Variants in LRFN5 observed in about 807,000 individuals in gnomAD.
LRFN5 encodes leucine rich repeat and fibronectin type III domain containing 5.
LRFN5 carries 24 observed loss-of-function variants against 45.6 expected under a neutral mutation model. The ratio of observed to expected loss-of-function variants is 0.53; its 90% CI spans 0.38 to 0.74. The LOEUF (loss-of-function observed/expected upper bound fraction) is 0.74, where lower values mean the gene tolerates loss of function less well. LRFN5 is among the 30% of genes least tolerant of loss of function. LRFN5 has a pLI of 0.00. For synonymous variants in LRFN5, 340 were observed against 313.8 expected (o/e 1.08, Z -0.88); for missense variants, 776 against 861.5 (o/e 0.90, Z 1.24).
At chr14:41,646,991 G>C (rs1413520856) in intron 1 of LRFN5, among the ~76,000 whole-genome samples, 5 of 152,198 alleles carry the variant, frequency 3.3e-5, no homozygotes, top group Non-Finnish European at 5.9e-5. Context: ...TGTTTTCCAG[G>C]AGTCTGTGAG....
intron 1 of LRFN5, among the ~76,000 whole-genome samples, chr14:41,619,861 G>T (rs1888058305): frequency 6.6e-6 from 1 of 151,960 alleles, no homozygotes; most frequent in South Asian, 2.1e-4. Flanking sequence ...AAAAGCTGTT[G>T]TGAAGAGTCA....
intron 1 of LRFN5, among the ~76,000 whole-genome samples, chr14:41,756,305 G>A (rs1460374087): frequency 3.3e-5 from 5 of 152,296 alleles, no homozygotes; most frequent in African/African-American, 1.2e-4. Flanking sequence ...GAATTTGAAT[G>A]TTGGTCTGCC....
chr14:41,864,947 A>T (rs1485170518), intron 2 of LRFN5, among the ~76,000 whole-genome samples: 4 of 152,030 alleles, frequency 2.6e-5, no homozygotes, highest in Non-Finnish European at 4.4e-5. Context: ...AAGATGACTT[A>T]GTTAATTACT....
At chr14:41,788,550 T>C (rs1398433725) in intron 2 of LRFN5, among the ~76,000 whole-genome samples, 1 of 140,400 alleles carries the variant, frequency 7.1e-6, no homozygotes, top group Non-Finnish European at 1.6e-5. Flanking sequence ...TAAAAAATTA[T>C]GTTTAAAAAA....
chr14:41,885,325 TAAA>T (rs59238163), intron 2 of LRFN5, among the ~76,000 whole-genome samples: 1,803 of 134,284 alleles, frequency 0.013, 11 homozygotes, highest in Non-Finnish European at 0.019. Flanking sequence ...AAACTTTGTC[TAAA>T]AAAAAAAAAA....
rs540194926 is a variant in LRFN5, at chr14:41,881,910, A to T, written c.-20-4696A>T. Among the ~76,000 whole-genome samples, 3 of 152,310 alleles carry T rather than the reference A, an allele frequency of 2.0e-5. No individual in the cohort carries two copies. In the South Asian group the frequency reaches 6.2e-4, roughly 32 times the overall value. ...CTGCAGATACGTTAGAATTTTTATT[A>T]TAGTAATTTTATGCTCCCTGTGGTA... On this transcript the variant is annotated intron_variant, in intron 2 of 5. Transcript: ENST00000298119.
chr14:41,894,529 A>G (rs1890878284), intron 4 of LRFN5: 1 of 962,082 alleles, frequency 1.0e-6, no homozygotes, highest in Non-Finnish European at 1.2e-6. Context: ...CAAAAAGTCT[A>G]TATTTTAAGA....
At chr14:41,741,790 C>T (rs370613099) in intron 1 of LRFN5, among the ~76,000 whole-genome samples, 1 of 149,288 alleles carries the variant, frequency 6.7e-6, no homozygotes, top group South Asian at 2.1e-4. Context: ...ATTTTTAAAC[C>T]ATACATATGG....
chr14:41,872,574 C>T (rs117048587), intron 2 of LRFN5, among the ~76,000 whole-genome samples: 2,375 of 152,252 alleles, frequency 0.016, 30 homozygotes, highest in Non-Finnish European at 0.023. Context: ...TCATGACTCT[C>T]ATCTTCAAGA....
chr14:41,645,205 T>A (rs1879759187), intron 1 of LRFN5, among the ~76,000 whole-genome samples: 1 of 152,204 alleles, frequency 6.6e-6, no homozygotes, highest in Non-Finnish European at 1.5e-5. Flanking sequence ...AAGGAAATGC[T>A]CAATGACTAG....
At position 41,655,952 on chromosome 14, in the gene LRFN5, G is replaced by A. The variant is rs78656220; in HGVS notation, c.-197+47390G>A. Among the ~76,000 whole-genome samples the A allele has an allele frequency of 9.1e-3, 1,381 of 152,086 alleles. 6 individuals carry two copies. The highest frequency in any genetic ancestry group is 0.014 in the East Asian group (75 of 5,176). On this transcript the variant is annotated intron_variant, in intron 1 of 5. Coordinates refer to ENST00000298119, the MANE Select transcript of LRFN5 (RefSeq NM_152447.5). ...AAATATTAGCATTTAATATTTTTAA[G>A]TGCTTATTAGTTATTTTGCACTTTT...
intron 2 of LRFN5, among the ~76,000 whole-genome samples, chr14:41,840,411 G>C (rs1566476455): frequency 6.6e-6 from 1 of 151,938 alleles, no homozygotes; most frequent in Non-Finnish European, 1.5e-5. Flanking sequence ...ATTCCTGAAG[G>C]CTATTTAGGC....
intron 1 of LRFN5, among the ~76,000 whole-genome samples, chr14:41,620,164 A>G (rs1888071097): frequency 1.3e-5 from 2 of 152,104 alleles, no homozygotes; most frequent in Non-Finnish European, 2.9e-5. Flanking sequence ...AACCATATCA[A>G]GGCAGTAAAT....
At chr14:41,892,064 A>G in intron 4 of LRFN5, 102 bp downstream of exon 4, 1 of 1,490,984 alleles carries the variant, frequency 6.7e-7, no homozygotes, top group Non-Finnish European at 8.9e-7. Flanking sequence ...CTCGCCGAAC[A>G]CATGTGGACT....
chr14:41,834,717 A>G (rs984867741), intron 2 of LRFN5, among the ~76,000 whole-genome samples: 2 of 151,888 alleles, frequency 1.3e-5, no homozygotes, highest in Non-Finnish European at 2.9e-5. Flanking sequence ...GCTGGAGTGC[A>G]GTGGCACAAT....
At chr14:41,809,795 A>G (rs1184234141) in intron 2 of LRFN5, among the ~76,000 whole-genome samples, 1 of 151,968 alleles carries the variant, frequency 6.6e-6, no homozygotes, top group Non-Finnish European at 1.5e-5. Context: ...ACATACACAC[A>G]TTTATGATTT....
chr14:41,805,468 C>T (rs554636304), intron 2 of LRFN5, among the ~76,000 whole-genome samples: 2 of 150,566 alleles, frequency 1.3e-5, no homozygotes, highest in South Asian at 2.1e-4. Context: ...ACGTTAGTTA[C>T]ATATGTATAC....
intron 1 of LRFN5, among the ~76,000 whole-genome samples, chr14:41,670,199 TTCTC>T (rs1219205965): frequency 8.1e-5 from 6 of 73,630 alleles, no homozygotes; most frequent in African/African-American, 4.0e-4. Flanking sequence ...TATATATACA[TTCTC>T]TGTGTGTGTG....
intron 2 of LRFN5, among the ~76,000 whole-genome samples, chr14:41,851,843 T>A (rs962837618): frequency 3.3e-5 from 5 of 151,750 alleles, no homozygotes; most frequent in Non-Finnish European, 5.9e-5. Flanking sequence ...AAACCAATAT[T>A]AATGGGTCTG....
Sources: gnomAD v4.1 joint callset for allele counts (sites outside exome capture counted in the v4.1 genomes callset) on GRCh38, gnomAD v4.1.1 for gene constraint, MANE v1.5 for transcripts, NCBI Gene and HGNC (gene_info 2026-07-23, HGNC 2026-07-21) for gene names.